DTNA: variants seen among roughly 807,000 people sequenced by gnomAD.
DTNA encodes the protein dystrobrevin alpha, also known as dystrophin-related protein 3.
Under a neutral mutation model 100.7 loss-of-function variants are expected in DTNA, and 43 were observed. The ratio of observed to expected loss-of-function variants is 0.43; its 90% CI spans 0.33 to 0.55. DTNA has a LOEUF of 0.55. Among genes scored for constraint, DTNA ranks in the 20% least tolerant of loss-of-function variants. The pLI is 0.04. For synonymous variants in DTNA, 349 were observed against 347.9 expected, an observed-to-expected ratio of 1.00 and a Z score of -0.04; for missense variants, 798 against 953.9, an observed-to-expected ratio of 0.84 and a Z score of 2.15.
rs188066212 is a variant in DTNA at position 34,795,689 on chromosome 18, G to A, written c.362+1439G>A. Among the ~76,000 whole-genome samples the A allele has an allele frequency of 1.4e-3, 214 of 152,262 alleles. 2 individuals are homozygous for A. The highest frequency in any genetic ancestry group is 4.9e-3 in the African/African-American group (205 of 41,546). On this transcript the variant is annotated intron_variant, in intron 4 of 22. Transcript: ENST00000444659. ...TGTAACAATGGAAACTGCAAAAAGA[G>A]AAATATAATATCTCACTAAATCCTG... is the stretch of plus-strand genomic sequence containing the variant.
intron 5 of DTNA, among the ~76,000 whole-genome samples, chr18:34,808,971 C>G (rs2095427214): frequency 6.6e-6 from 1 of 152,172 alleles, no homozygotes; most frequent in African/African-American, 2.4e-5. Flanking sequence ...CCCTGGTTCT[C>G]TGACTGAGGA....
At chr18:34,856,183 C>A (rs968408389) in intron 15 of DTNA, among the ~76,000 whole-genome samples, 1 of 152,206 alleles carries the variant, frequency 6.6e-6, no homozygotes, top group African/African-American at 2.4e-5. Context: ...CCCAACCCAT[C>A]TCTGATGAGC....
chr18:34,890,550 C>G lies in DTNA; in HGVS notation c.*2816C>G, dbSNP rs1394300543. 2.0e-6 allele frequency: 3 copies of G among 1,470,118 alleles called. No individual in the cohort carries two copies. In the African/African-American group the frequency reaches 4.2e-5, roughly 21 times the overall value. The allele number at this position is 1,470,118 out of a possible 1,614,324, so 91.1% of individuals were successfully genotyped here. ...AATTGCACATCCATCTCCATCAGAG[C>G]TGATAGCCTGTTAATAAGCACTGGT... On this transcript the variant is annotated 3_prime_UTR_variant, in exon 23 of 23. Coordinates refer to ENST00000444659, the MANE Select transcript of DTNA (RefSeq NM_001386795.1).
At chr18:34,631,492 A>G (rs2058076311) in intron 1 of DTNA, among the ~76,000 whole-genome samples, 1 of 152,182 alleles carries the variant, frequency 6.6e-6, no homozygotes, top group Non-Finnish European at 1.5e-5. Flanking sequence ...TGATATTTGA[A>G]AGAGATCTAC....
At chr18:34,769,378 G>A (rs1282718093) in intron 3 of DTNA, among the ~76,000 whole-genome samples, 3 of 152,060 alleles carry the variant, frequency 2.0e-5, no homozygotes, top group Non-Finnish European at 2.9e-5. Context: ...GAATATATTC[G>A]CTGATTAGAG....
intron 1 of DTNA, among the ~76,000 whole-genome samples, chr18:34,648,191 A>G (rs1047434759): frequency 7.9e-5 from 12 of 152,220 alleles, no homozygotes; most frequent in African/African-American, 2.4e-4. Context: ...CTGAGTGGTA[A>G]TGGCAGAAGT....
chr18:34,526,705 A>G (rs1031269282), intron 1 of DTNA, among the ~76,000 whole-genome samples: 1 of 152,158 alleles, frequency 6.6e-6, no homozygotes, highest in Non-Finnish European at 1.5e-5. Context: ...ATGTCTGACT[A>G]TCCTCAGCAT....
intron 1 of DTNA, among the ~76,000 whole-genome samples, chr18:34,540,025 C>A (rs2685554): frequency 0.9 from 136,835 of 151,784 alleles, 61,696 homozygotes; most frequent in Middle Eastern, 0.94. Context: ...CAAATCTGGA[C>A]AACATTAATC....
intron 1 of DTNA, among the ~76,000 whole-genome samples, chr18:34,497,981 TTAATG>T (rs2039443675): frequency 6.6e-6 from 1 of 152,198 alleles, no homozygotes; most frequent in Non-Finnish European, 1.5e-5. Flanking sequence ...TGATCATTAA[TTAATG>T]TAAGAATTTT....
At chr18:34,502,581 A>G (rs572796231) in intron 1 of DTNA, among the ~76,000 whole-genome samples, 1 of 152,236 alleles carries the variant, frequency 6.6e-6, no homozygotes, top group East Asian at 1.9e-4. Context: ...AGTTGAATGT[A>G]TTTTTAAATT....
At chr18:34,773,445 A>G (rs1344122496) in intron 3 of DTNA, among the ~76,000 whole-genome samples, 1 of 152,222 alleles carries the variant, frequency 6.6e-6, no homozygotes, top group Non-Finnish European at 1.5e-5. Flanking sequence ...GATTCTCCCT[A>G]GTCAAGGAGC....
chr18:34,552,197 G>T (rs1326316282), intron 1 of DTNA, among the ~76,000 whole-genome samples: 1 of 151,954 alleles, frequency 6.6e-6, no homozygotes, highest in African/African-American at 2.4e-5. Flanking sequence ...TATATGAACA[G>T]GTTCCCAACT....
At chr18:34,835,490 G>C (rs2096120672) in intron 11 of DTNA, among the ~76,000 whole-genome samples, 1 of 152,180 alleles carries the variant, frequency 6.6e-6, no homozygotes, top group Middle Eastern at 3.4e-3. Context: ...GACCTGGTTA[G>C]AAGAAGGAAG....
intron 1 of DTNA, among the ~76,000 whole-genome samples, chr18:34,605,322 G>A (rs2052812007): frequency 6.6e-6 from 1 of 152,070 alleles, no homozygotes. Context: ...CAAATGTATG[G>A]ACCCACATGT....
At chr18:34,884,377 A>C (rs1471442239) in intron 21 of DTNA, among the ~76,000 whole-genome samples, 1 of 152,172 alleles carries the variant, frequency 6.6e-6, no homozygotes, top group Non-Finnish European at 1.5e-5. Context: ...ATGACTTAAG[A>C]TTCAACTGGA....
At chr18:34,520,650 C>T (rs1050481319) in intron 1 of DTNA, among the ~76,000 whole-genome samples, 20 of 151,788 alleles carry the variant, frequency 1.3e-4, no homozygotes, top group Admixed American at 6.6e-4. Context: ...GCAAAAACCC[C>T]GTCTCAAAAA....
chr18:34,882,819 G>A (rs2096886173), intron 21 of DTNA, among the ~76,000 whole-genome samples: 1 of 152,154 alleles, frequency 6.6e-6, no homozygotes, highest in Non-Finnish European at 1.5e-5. Context: ...ATTTTTAAAT[G>A]GATACAAAGA....
rs374916548 is a variant in DTNA, at chr18:34,848,304, A to G, written c.1355A>G (p.Glu452Gly). 2 of 1,613,862 alleles carry G rather than the reference A, an allele frequency of 1.2e-6. No individual in the cohort carries two copies. Among genetic ancestry groups the G allele is most frequent in the Non-Finnish European group, 1.7e-6 (2 of 1,179,918 alleles). The change falls in exon 14 of 23, where the codon GAG becomes GGG. Residue 452 changes from glutamate to glycine, a missense_variant. Glu to Gly is a moderately conservative substitution (Grantham distance 98). Coordinates refer to ENST00000444659, the MANE Select transcript of DTNA (RefSeq NM_001386795.1). ...MLRNNPSCMLESSNRLDEEHR... is the reference protein window; with the variant it reads ...MLRNNPSCMLGSSNRLDEEHR... ...TGCTTTGTTCTTAATAGCATGCTTG[A>G]GAGTTCAAACCGGCTTGATGAAGAA...
chr18:34,868,643 G>A, intron 17 of DTNA: 2 of 985,292 alleles, frequency 2.0e-6, no homozygotes, highest in Non-Finnish European at 2.4e-6. Flanking sequence ...TCAATGTAGT[G>A]TTTTATTATA....
Sources: allele counts gnomAD v4.1 joint callset (sites outside exome capture counted in the v4.1 genomes callset), GRCh38; gene constraint gnomAD v4.1.1; transcripts MANE v1.5; gene names NCBI Gene and HGNC (gene_info 2026-07-23, HGNC 2026-07-21).